The following DAB1 variants were observed in gnomAD, a reference collection of about 807,000 sequenced individuals.
The protein encoded by DAB1 is disabled homolog 1.
In DAB1, 15 loss-of-function variants were observed where a neutral mutation model predicts 64.6. The observed-to-expected ratio is 0.23, with a 90% CI of 0.16 to 0.36. DAB1 has a LOEUF of 0.36. Among genes scored for constraint, DAB1 ranks in the 10% least tolerant of loss-of-function variants. The pLI, the probability that DAB1 is intolerant of heterozygous loss-of-function variation, is 1.00. For synonymous variants in DAB1, 235 were observed against 251.9 expected, an observed-to-expected ratio of 0.93 and a Z score of 0.64; for missense variants, 596 against 706.7, an observed-to-expected ratio of 0.84 and a Z score of 1.78.
At chr1:57,526,810 C>G (rs1644598859) in intron 7 of DAB1, among the ~76,000 whole-genome samples, 1 of 152,152 alleles carries the variant, frequency 6.6e-6, no homozygotes, top group South Asian at 2.1e-4. Context: ...AAAGTACTTT[C>G]TCAAACATAA....
chr1:58,215,297 G>C (rs1465587754), intron 4 of DAB1, among the ~76,000 whole-genome samples: 1 of 151,962 alleles, frequency 6.6e-6, no homozygotes, highest in Non-Finnish European at 1.5e-5. Flanking sequence ...TTGTCATTCA[G>C]GTCTCAAGTC....
At chr1:57,664,400 C>T (rs1646422740) in intron 6 of DAB1, among the ~76,000 whole-genome samples, 1 of 152,158 alleles carries the variant, frequency 6.6e-6, no homozygotes, top group African/African-American at 2.4e-5. Flanking sequence ...ATGCTTGGCA[C>T]ATTGCATATT....
chr1:57,751,857 T>TAAA (rs990063145), intron 6 of DAB1, among the ~76,000 whole-genome samples: 7 of 152,022 alleles, frequency 4.6e-5, no homozygotes, highest in African/African-American at 1.7e-4. Context: ...AATAAATAAA[T>TAAA]AAGACAAACC....
chr1:58,410,219 T>C (rs1569739962), intron 3 of DAB1, among the ~76,000 whole-genome samples: 1 of 152,372 alleles, frequency 6.6e-6, no homozygotes, highest in South Asian at 2.1e-4. Context: ...TGCGGCTTTA[T>C]GAAATCATAT....
chr1:57,156,316 C>T (rs531987862), intron 2 of DAB1, among the ~76,000 whole-genome samples: 1 of 152,274 alleles, frequency 6.6e-6, no homozygotes, highest in East Asian at 1.9e-4. Context: ...CCTCTTGCCC[C>T]CACCCTTAAC....
chr1:57,561,526 T>C (rs916010651), intron 7 of DAB1, among the ~76,000 whole-genome samples: 21 of 152,180 alleles, frequency 1.4e-4, no homozygotes, highest in African/African-American at 5.1e-4. Context: ...CTTCTCTGAG[T>C]GGTTAAAAAC....
At chr1:58,149,627 C>T (rs1047516049) in intron 5 of DAB1, among the ~76,000 whole-genome samples, 1 of 152,204 alleles carries the variant, frequency 6.6e-6, no homozygotes, top group Non-Finnish European at 1.5e-5. Context: ...GGCAAAACAG[C>T]ACCTTTGGAA....
chr1:58,141,677 C>T (rs547620), intron 5 of DAB1, among the ~76,000 whole-genome samples: 27,563 of 152,004 alleles, frequency 0.18, 2,808 homozygotes, highest in East Asian at 0.31. Context: ...CATTTCAACA[C>T]GAGATTTGCA....
chr1:58,428,715 A>T (rs1284954727), intron 3 of DAB1, among the ~76,000 whole-genome samples: 1 of 152,150 alleles, frequency 6.6e-6, no homozygotes. Flanking sequence ...TAAATACTCT[A>T]TTGGAAAGAG....
At chr1:57,425,229 G>A (rs1240250593), upstream of DAB1, among the ~76,000 whole-genome samples, 1 of 152,154 alleles carries the variant, frequency 6.6e-6, no homozygotes, top group Non-Finnish European at 1.5e-5. Context: ...GTGCAGAAAA[G>A]GAAAGCAAGA....
At chr1:57,856,439 T>G (rs917762846) in intron 1 of DAB1, among the ~76,000 whole-genome samples, 1 of 152,134 alleles carries the variant, frequency 6.6e-6, no homozygotes, top group Admixed American at 6.5e-5. Flanking sequence ...TAAAAGTAGT[T>G]ACTGTACATA....
At chr1:58,510,098 A>C (rs1285514490) in intron 2 of DAB1, among the ~76,000 whole-genome samples, 2 of 152,046 alleles carry the variant, frequency 1.3e-5, no homozygotes, top group African/African-American at 4.8e-5. Context: ...AGTCTTCCAA[A>C]AAATTGAGGA....
At chr1:57,555,064 C>T (rs1479554977) in intron 7 of DAB1, among the ~76,000 whole-genome samples, 4 of 117,598 alleles carry the variant, frequency 3.4e-5, no homozygotes, top group East Asian at 5.9e-4. Flanking sequence ...GAGACGGAGT[C>T]TCACTCTGTC....
At chr1:57,923,492 T>C (rs1644838663) in intron 5 of DAB1, among the ~76,000 whole-genome samples, 1 of 152,226 alleles carries the variant, frequency 6.6e-6, no homozygotes, top group Non-Finnish European at 1.5e-5. Flanking sequence ...CTGTATCTAT[T>C]ACTGGCAATT....
chr1:58,422,821 A>G (rs952177131), intron 3 of DAB1, among the ~76,000 whole-genome samples: 16 of 150,872 alleles, frequency 1.1e-4, no homozygotes, highest in African/African-American at 3.9e-4. Flanking sequence ...GCAAAAAAAA[A>G]GAAAAAAATC....
At chr1:58,118,587 TATAA>T (rs531914029) in intron 5 of DAB1, among the ~76,000 whole-genome samples, 7 of 89,916 alleles carry the variant, frequency 7.8e-5, no homozygotes, top group Admixed American at 2.5e-4. Flanking sequence ...TACATATATA[TATAA>T]AATACTATAT....
intron 1 of DAB1, among the ~76,000 whole-genome samples, chr1:57,350,631 T>C (rs549496322): frequency 2.0e-5 from 3 of 152,182 alleles, no homozygotes; most frequent in African/African-American, 7.2e-5. Context: ...AGCATGCCCA[T>C]ACCTCTGACT....
chr1:57,576,232 A>C (rs181607318), intron 7 of DAB1, among the ~76,000 whole-genome samples: 316 of 152,320 alleles, frequency 2.1e-3, no homozygotes, highest in Non-Finnish European at 3.8e-3. Context: ...TGTTCTGAGC[A>C]CACATAAGGT....
chr1:57,606,389 T>TATATATA (rs1553199436), intron 7 of DAB1, among the ~76,000 whole-genome samples: 1 of 133,566 alleles, frequency 7.5e-6, no homozygotes, highest in African/African-American at 2.7e-5. Context: ...TATATATATA[T>TATATATA]ATACACATTA....
Sources: allele counts gnomAD v4.1 joint callset (sites outside exome capture counted in the v4.1 genomes callset), GRCh38; gene constraint gnomAD v4.1.1; transcripts MANE v1.5; gene names NCBI Gene and HGNC (gene_info 2026-07-23, HGNC 2026-07-21).